Variants in TSPAN18 observed in about 807,000 individuals in gnomAD.
The protein encoded by TSPAN18 is tetraspanin 18, also known as tetraspanin-18.
In TSPAN18, 14 loss-of-function variants were observed where a neutral mutation model predicts 27.3. The ratio of observed to expected loss-of-function variants is 0.51; its 90% confidence interval spans 0.34 to 0.80. The LOEUF is 0.80. Among genes scored for constraint, TSPAN18 ranks in the 30% least tolerant of loss-of-function variants. The probability of loss-of-function intolerance (pLI) is 0.01; values close to 1 mark genes in which losing one functional copy is unlikely to be tolerated. For missense variants in TSPAN18, 268 were observed against 323.9 expected, an observed-to-expected ratio of 0.83 and a Z score of 1.32; for synonymous variants, 143 against 136.5, an observed-to-expected ratio of 1.05 and a Z score of -0.33.
At chr11:44,741,963 CAG>C (rs1475626890) in intron 1 of TSPAN18, among the ~76,000 whole-genome samples, 3 of 151,964 alleles carry the variant, frequency 2.0e-5, no homozygotes, top group Admixed American at 6.6e-5. Context: ...CCAGAAACAG[CAG>C]AGTTTTTCCA....
intron 1 of TSPAN18, among the ~76,000 whole-genome samples, chr11:44,743,843 T>C (rs1375867970): frequency 6.6e-6 from 1 of 152,240 alleles, no homozygotes; most frequent in Non-Finnish European, 1.5e-5. Flanking sequence ...AAACTGATCC[T>C]GATGGAGGAA....
At chr11:44,766,031 G>A (rs1440763324) in intron 2 of TSPAN18, among the ~76,000 whole-genome samples, 1 of 152,188 alleles carries the variant, frequency 6.6e-6, no homozygotes, top group Non-Finnish European at 1.5e-5. Flanking sequence ...GTTGCTGGTA[G>A]GTGGTTGGGG....
At chr11:44,836,183 C>T (rs543242426) in intron 2 of TSPAN18, among the ~76,000 whole-genome samples, 3 of 152,240 alleles carry the variant, frequency 2.0e-5, no homozygotes, top group South Asian at 2.1e-4. Context: ...TGAGACAGGC[C>T]GAAAGCTAGG....
At chr11:44,914,816 T>A (rs914193969) in intron 5 of TSPAN18, among the ~76,000 whole-genome samples, 1 of 152,176 alleles carries the variant, frequency 6.6e-6, no homozygotes, top group African/African-American at 2.4e-5. Context: ...CCGCAGTGTC[T>A]GGGTAGCAAG....
At chr11:44,753,484 C>T (rs905116604) in intron 1 of TSPAN18, among the ~76,000 whole-genome samples, 2 of 152,214 alleles carry the variant, frequency 1.3e-5, no homozygotes, top group Non-Finnish European at 2.9e-5. Flanking sequence ...CCCAGCTTGA[C>T]TCACCCTCTG....
chr11:44,749,632 CTT>C (rs71894571), intron 1 of TSPAN18, among the ~76,000 whole-genome samples: 45 of 110,438 alleles, frequency 4.1e-4, no homozygotes, highest in Admixed American at 1.0e-3. Context: ...GTGGAACTTT[CTT>C]TTTTTTTTTT....
In TSPAN18 at chr11:44,850,469, C is replaced by T. The variant is rs1164103546; in HGVS notation, c.-152-9859C>T. 3.9e-5 allele frequency among the ~76,000 whole-genome samples: 6 copies of T among 152,064 alleles called. No homozygotes were observed. The South Asian group carries it at 6.3e-4, about 16-fold the overall frequency. On this transcript the variant is annotated intron_variant, in intron 2 of 9. Coordinates refer to ENST00000520358, the MANE Select transcript of TSPAN18 (RefSeq NM_130783.5). ...GGCACTTCCCAAGGTCCCTGCTGGCCGGAGGATGGCACAGAGGGGTGCATA... is the reference window on the plus strand; with the variant it reads ...GGCACTTCCCAAGGTCCCTGCTGGCTGGAGGATGGCACAGAGGGGTGCATA...
chr11:44,889,660 G>T (rs774553658), intron 3 of TSPAN18, among the ~76,000 whole-genome samples: 18 of 152,364 alleles, frequency 1.2e-4, no homozygotes, highest in Non-Finnish European at 2.5e-4. Flanking sequence ...AGGGTTCCAT[G>T]TGGGTTTGAC....
intron 5 of TSPAN18, among the ~76,000 whole-genome samples, chr11:44,911,072 G>T (rs1859693785): frequency 6.6e-6 from 1 of 152,194 alleles, no homozygotes; most frequent in African/African-American, 2.4e-5. Context: ...TGGGTGGATG[G>T]GTCTTCTCTA....
At chr11:44,786,804 G>A (rs571390452) in intron 2 of TSPAN18, among the ~76,000 whole-genome samples, 6 of 151,988 alleles carry the variant, frequency 3.9e-5, no homozygotes, top group Non-Finnish European at 8.8e-5. Flanking sequence ...GCTAAGTTGT[G>A]TATTTTTAGT....
chr11:44,782,383 A>C (rs1425561054), intron 2 of TSPAN18, among the ~76,000 whole-genome samples: 2 of 152,016 alleles, frequency 1.3e-5, no homozygotes, highest in Non-Finnish European at 2.9e-5. Flanking sequence ...CTCTACTAAA[A>C]ATACAAAAAA....
chr11:44,806,934 A>G (rs1054838847), intron 2 of TSPAN18, among the ~76,000 whole-genome samples: 2 of 152,188 alleles, frequency 1.3e-5, no homozygotes, highest in Non-Finnish European at 2.9e-5. Context: ...ATGGTTATAT[A>G]GTTATCTGAG....
chr11:44,825,800 A>G (rs928780132), intron 2 of TSPAN18, among the ~76,000 whole-genome samples: 3 of 152,132 alleles, frequency 2.0e-5, no homozygotes, highest in African/African-American at 7.2e-5. Context: ...AGTTCACAAC[A>G]GAGACCCTGG....
intron 2 of TSPAN18, among the ~76,000 whole-genome samples, chr11:44,805,843 A>G (rs1158563569): frequency 6.6e-6 from 1 of 151,874 alleles, no homozygotes; most frequent in Non-Finnish European, 1.5e-5. Flanking sequence ...CTCTCATGAC[A>G]TGGCCATCTT....
chr11:44,902,334 G>A (rs1859292839), intron 3 of TSPAN18, among the ~76,000 whole-genome samples: 1 of 152,224 alleles, frequency 6.6e-6, no homozygotes, highest in African/African-American at 2.4e-5. Flanking sequence ...ACCCAGTTGT[G>A]TCTGACTTCA....
At chr11:44,834,716 C>A (rs900970693) in intron 2 of TSPAN18, among the ~76,000 whole-genome samples, 13 of 152,144 alleles carry the variant, frequency 8.5e-5, no homozygotes, top group Non-Finnish European at 1.5e-4. Context: ...ATGTCTTTAT[C>A]TGAAAAATGA....
At chr11:44,826,399 G>C (rs1276566375) in intron 2 of TSPAN18, among the ~76,000 whole-genome samples, 1 of 152,186 alleles carries the variant, frequency 6.6e-6, no homozygotes, top group Non-Finnish European at 1.5e-5. Context: ...ACTCCAGCCT[G>C]GGCAACAAGA....
At chr11:44,742,187 C>T (rs1383148212) in intron 1 of TSPAN18, among the ~76,000 whole-genome samples, 1 of 151,974 alleles carries the variant, frequency 6.6e-6, no homozygotes, top group African/African-American at 2.4e-5. Flanking sequence ...AAATTTTTGC[C>T]TGGGAGGTAT....
At chr11:44,752,879 C>CA (rs1291798897) in intron 1 of TSPAN18, among the ~76,000 whole-genome samples, 1 of 151,936 alleles carries the variant, frequency 6.6e-6, no homozygotes, top group Non-Finnish European at 1.5e-5. Context: ...TTTTACTAGC[C>CA]AAAAAAATCT....
Sources: gnomAD v4.1 joint callset for allele counts (sites outside exome capture counted in the v4.1 genomes callset) on GRCh38, gnomAD v4.1.1 for gene constraint, MANE v1.5 for transcripts, NCBI Gene and HGNC (gene_info 2026-07-23, HGNC 2026-07-21) for gene names.